Variants in P2RY14 observed in about 807,000 individuals in gnomAD.
P2RY14 encodes P2Y purinoceptor 14.
Under a neutral mutation model 0.9 loss-of-function variants are expected in P2RY14, and 2 were observed. The ratio of observed to expected loss-of-function variants is 2.16; its 90% CI spans 0.88 to 6.79. The LOEUF (loss-of-function observed/expected upper bound fraction) is 6.79, where lower values mean the gene tolerates loss of function less well. Among genes scored for constraint, P2RY14 ranks in the 30% most tolerant of loss-of-function variants. P2RY14 has a pLI of 0.05. For missense variants in P2RY14, 378 were observed against 400.1 expected (o/e 0.94, Z 0.47); for synonymous variants, 158 against 147.2 (o/e 1.07, Z -0.53).
intron 1 of P2RY14, among the ~76,000 whole-genome samples, chr3:151,249,980 A>G (rs570687194): frequency 6.6e-6 from 1 of 152,150 alleles, no homozygotes; most frequent in Admixed American, 6.5e-5. Flanking sequence ...ACGATCAATC[A>G]TGCCTGTTAT....
intron 1 of P2RY14, among the ~76,000 whole-genome samples, chr3:151,251,869 TGTTTATATCTGATATTTATGTACA>T (rs1296690264): frequency 4.6e-5 from 7 of 152,252 alleles, no homozygotes; most frequent in Non-Finnish European, 7.3e-5. Context: ...CCACCTGATC[TGTTTATATCTGATATTTATGTACA>T]TGGAATCACC....
chr3:151,271,384 G>C (rs915702244), intron 1 of P2RY14, among the ~76,000 whole-genome samples: 4 of 152,136 alleles, frequency 2.6e-5, no homozygotes, highest in Admixed American at 2.6e-4. Flanking sequence ...TAGAATAATT[G>C]ATACTTTGGT....
At chr3:151,272,927 A>T (rs1468263979) in intron 1 of P2RY14, among the ~76,000 whole-genome samples, 5 of 152,304 alleles carry the variant, frequency 3.3e-5, no homozygotes, top group Admixed American at 6.5e-5. Flanking sequence ...GAGTATCCCT[A>T]ATCCCAAAAT....
Position 151,214,144 on chromosome 3 carries a change from A to G in P2RY14, c.173T>C (p.Ile58Thr), listed in dbSNP as rs748246246. ...AGCAATAACAATGTTCTTGAGATAG[A>G]TGATGAAACTCTTAGAGCTGGGCAC... The part of the protein sequence containing the change: ...FYVPSSKSFI[I>T]YLKNIVIADF... Residue 58 changes from isoleucine (I) to threonine (T), a missense_variant, in exon 3 of 3, where the codon ATC becomes ACC. By Grantham distance (89) the Ile-to-Thr change is moderately conservative. Transcript: ENST00000309170. The G allele has an allele frequency of 3.7e-6, 6 of 1,614,022 alleles. No homozygotes were observed. The African/African-American group carries it at 8.0e-5, about 22-fold the overall frequency.
intron 1 of P2RY14, among the ~76,000 whole-genome samples, chr3:151,233,658 G>A (rs1031152988): frequency 2.6e-5 from 4 of 152,178 alleles, no homozygotes; most frequent in Non-Finnish European, 4.4e-5. Flanking sequence ...ACTTGAACCC[G>A]GGAGGCGGAG....
At chr3:151,255,318 T>G (rs928502016) in intron 1 of P2RY14, among the ~76,000 whole-genome samples, 3 of 152,172 alleles carry the variant, frequency 2.0e-5, no homozygotes, top group Non-Finnish European at 4.4e-5. Flanking sequence ...TGACATGCAG[T>G]GTGACTTAAA....
chr3:151,221,276 A>G (rs1200424386), intron 1 of P2RY14, among the ~76,000 whole-genome samples: 3 of 152,240 alleles, frequency 2.0e-5, no homozygotes, highest in Admixed American at 2.0e-4. Context: ...AAAGTTCAGA[A>G]AATTTGCAGC....
chr3:151,267,104 ACTC>A (rs1010562236), intron 1 of P2RY14, among the ~76,000 whole-genome samples: 8 of 152,080 alleles, frequency 5.3e-5, no homozygotes, highest in Admixed American at 4.6e-4. Context: ...GCGTGTTAGA[ACTC>A]CTTACATTCT....
rs1482484296 is a variant in P2RY14 at position 151,213,035 on chromosome 3, A to G, written c.*265T>C. 4.8e-6 allele frequency: 1 copy of G among 209,858 alleles called. No individual in the cohort carries two copies. Among genetic ancestry groups the G allele is most frequent in the East Asian group, 1.0e-4 (1 of 9,604 alleles). 13.0% of individuals were successfully genotyped at this position (209,858 alleles called of 1,614,324 possible). ...GTGGTTATAAACTTTAACTTATTTT[A>G]ATATAATAGAATTGAATAATTGTAT... On this transcript the variant is annotated 3_prime_UTR_variant, in exon 3 of 3. Transcript: ENST00000309170.
intron 1 of P2RY14, among the ~76,000 whole-genome samples, chr3:151,235,813 T>A (rs2149349954): frequency 6.6e-6 from 1 of 152,310 alleles, no homozygotes; most frequent in East Asian, 1.9e-4. Flanking sequence ...TGCCACATGC[T>A]GGTCTCTGTT....
At position 151,221,508 on chromosome 3, in the gene P2RY14, C is replaced by T. The variant is rs147725904; in HGVS notation, c.-132-1866G>A. ...GTGGGCCCAGCCCAGGGTCTCTGTG[C>T]TGTGTGCAGCCTGGGGAATTGGTGC... is the stretch of plus-strand genomic sequence containing the variant. On this transcript the variant is annotated intron_variant, in intron 1 of 2. Coordinates refer to ENST00000309170, the MANE Select transcript of P2RY14 (RefSeq NM_014879.4). 4.1e-3 allele frequency among the ~76,000 whole-genome samples: 621 copies of T among 152,292 alleles called. 6 individuals carry two copies. The highest frequency in any genetic ancestry group is 0.014 in the African/African-American group (590 of 41,572).
At chr3:151,242,554 G>T (rs1734415245) in intron 1 of P2RY14, among the ~76,000 whole-genome samples, 1 of 152,194 alleles carries the variant, frequency 6.6e-6, no homozygotes, top group Non-Finnish European at 1.5e-5. Flanking sequence ...GCAGCTGAGG[G>T]TCCTGTCTGT....
chr3:151,267,512 C>T (rs1002111982), intron 1 of P2RY14, among the ~76,000 whole-genome samples: 1 of 152,062 alleles, frequency 6.6e-6, no homozygotes, highest in Non-Finnish European at 1.5e-5. Flanking sequence ...TTGTTAAAAA[C>T]AGAAAAGTGC....
chr3:151,237,945 T>C (rs1229215491), intron 1 of P2RY14, among the ~76,000 whole-genome samples: 1 of 152,146 alleles, frequency 6.6e-6, no homozygotes, highest in African/African-American at 2.4e-5. Flanking sequence ...ATTGTTGATA[T>C]TTTGTTTGGT....
Position 151,213,277 on chromosome 3 carries a change from T to C in P2RY14, c.*23A>G, listed in dbSNP as rs764953369. The C allele has an allele frequency of 4.5e-6, 7 of 1,552,940 alleles. No individual in the cohort carries two copies. Among genetic ancestry groups the C allele is most frequent in the Non-Finnish European group, 6.1e-6 (7 of 1,150,676 alleles). On this transcript the variant is annotated 3_prime_UTR_variant, in exon 3 of 3. Coordinates refer to ENST00000309170, the MANE Select transcript of P2RY14 (RefSeq NM_014879.4). ...AAGATGACAACATGCACACGTGGTC[T>C]TTCTTTGGAAGAGGGTAGGAACTCA... is the stretch of plus-strand genomic sequence containing the variant.
chr3:151,221,807 G>A (rs367885514), intron 1 of P2RY14, among the ~76,000 whole-genome samples: 3 of 152,210 alleles, frequency 2.0e-5, no homozygotes, highest in Admixed American at 6.5e-5. Context: ...TGGGATTGGA[G>A]CCCCCACACA....
At chr3:151,247,148 C>T (rs1735730913) in intron 1 of P2RY14, among the ~76,000 whole-genome samples, 1 of 152,090 alleles carries the variant, frequency 6.6e-6, no homozygotes, top group Non-Finnish European at 1.5e-5. Flanking sequence ...AATAGGAACA[C>T]TTTTACACTG....
At chr3:151,248,106 T>C (rs1183004689) in intron 1 of P2RY14, among the ~76,000 whole-genome samples, 1 of 151,848 alleles carries the variant, frequency 6.6e-6, no homozygotes, top group African/African-American at 2.4e-5. Flanking sequence ...TAATATTCCT[T>C]GTCCTTGCCA....
At chr3:151,224,835 A>C (rs1001690870) in intron 1 of P2RY14, among the ~76,000 whole-genome samples, 5 of 152,088 alleles carry the variant, frequency 3.3e-5, no homozygotes, top group African/African-American at 1.2e-4. Flanking sequence ...CCCCTTATTG[A>C]AATCTGCTGT....
Sources: gnomAD v4.1 joint callset for allele counts (sites outside exome capture counted in the v4.1 genomes callset) on GRCh38, gnomAD v4.1.1 for gene constraint, MANE v1.5 for transcripts, NCBI Gene and HGNC (gene_info 2026-07-23, HGNC 2026-07-21) for gene names.